Variants in REL observed in about 807,000 individuals in gnomAD.
REL encodes REL proto-oncogene, NF-kB subunit, also known as proto-oncogene c-Rel.
Under a neutral mutation model 45.9 loss-of-function variants are expected in REL, and 15 were observed. The observed-to-expected ratio is 0.33, with a 90% confidence interval of 0.22 to 0.50. The LOEUF is 0.50. REL is among the 20% of genes least tolerant of loss of function. The pLI is 0.98. For missense variants in REL, 601 were observed against 715.2 expected (o/e 0.84, Z 1.82); for synonymous variants, 239 against 242.1 (o/e 0.99, Z 0.12).
chr2:60,912,410 C>A (rs573124354), intron 4 of REL, among the ~76,000 whole-genome samples: 124 of 152,204 alleles, frequency 8.1e-4, no homozygotes, highest in Non-Finnish European at 1.5e-3. Context: ...AAACTTAACT[C>A]TTATTAATAT....
chr2:60,917,369 A>C (rs1264470945), intron 5 of REL, among the ~76,000 whole-genome samples: 1 of 151,994 alleles, frequency 6.6e-6, no homozygotes, highest in Admixed American at 6.6e-5. Flanking sequence ...CCTTTTAATC[A>C]CCTTATTCTT....
chr2:60,892,682 G>A (rs764405869), intron 2 of REL, among the ~76,000 whole-genome samples: 24 of 151,636 alleles, frequency 1.6e-4, no homozygotes, highest in Non-Finnish European at 3.1e-4. Flanking sequence ...CACCCATCTC[G>A]GCCTCCCAAA....
At chr2:60,919,585 C>G (rs1447739686) in intron 7 of REL, among the ~76,000 whole-genome samples, 1 of 151,968 alleles carries the variant, frequency 6.6e-6, no homozygotes, top group Non-Finnish European at 1.5e-5. Flanking sequence ...GCCACCACAC[C>G]CGACTCATTT....
rs1041969698 is a variant in REL, at chr2:60,929,146, G to C, written c.*6611G>C. 3 of 151,244 alleles carry C rather than the reference G, an allele frequency of 2.0e-5. No homozygotes were observed. The highest frequency in any genetic ancestry group is 7.3e-5 in the African/African-American group (3 of 41,092). The allele number at this position is 151,244 out of a possible 1,614,324, so 9.4% of individuals were successfully genotyped here. On this transcript the variant is annotated 3_prime_UTR_variant, in exon 10 of 10. Transcript: ENST00000394479. ...ATACCATCTCACACCAGTTAGAATG[G>C]CAATCATTAAAAAGTCAGGAGACAA...
chr2:60,910,437 C>A (rs1673779538), intron 4 of REL, among the ~76,000 whole-genome samples: 1 of 148,754 alleles, frequency 6.7e-6, no homozygotes. Context: ...TGCACTCCAG[C>A]CTGGGTGACA....
intron 3 of REL, chr2:60,900,784 A>T (rs1222791983): frequency 2.2e-6 from 1 of 461,360 alleles, no homozygotes; most frequent in East Asian, 4.4e-5. Flanking sequence ...TGGCCTCCCA[A>T]AGTGCTGGGA....
At chr2:60,883,485 A>G (rs1193300333) in intron 1 of REL, among the ~76,000 whole-genome samples, 1 of 151,934 alleles carries the variant, frequency 6.6e-6, no homozygotes, top group Non-Finnish European at 1.5e-5. Context: ...TGTAGATTAG[A>G]AGTGCTAAGA....
Position 60,921,881 on chromosome 2 carries a change from C to G in REL, c.1110C>G (p.Ala370=). The part of the protein sequence containing the change: ...GPISSGLSHH[A]SMAPLPSSSW... Reference sequence around the variant, plus strand: ...TCTCAAGTGGATTGTCACATCATGCCTCAATGGCACCTCTGCCTTCTTCAA... The same window carrying G: ...TCTCAAGTGGATTGTCACATCATGCGTCAATGGCACCTCTGCCTTCTTCAA... Residue 370 remains alanine, a synonymous_variant, in exon 10 of 10, where the codon GCC becomes GCG. Transcript: ENST00000394479. The G allele has an allele frequency of 6.2e-7, 1 of 1,614,104 alleles. No homozygotes were observed. The highest frequency in any genetic ancestry group is 8.5e-7 in the Non-Finnish European group (1 of 1,180,032).
At chr2:60,906,676 C>T (rs1373405297) in intron 4 of REL, among the ~76,000 whole-genome samples, 1 of 152,044 alleles carries the variant, frequency 6.6e-6, no homozygotes, top group Non-Finnish European at 1.5e-5. Flanking sequence ...CATGTTCTTT[C>T]TTACCTCTGT....
chr2:60,917,692 G>A (rs1435398488), intron 5 of REL, among the ~76,000 whole-genome samples: 12 of 149,978 alleles, frequency 8.0e-5, no homozygotes, highest in Admixed American at 8.0e-4. Flanking sequence ...GTGTGTGTGT[G>A]TGTGTGTGTG....
At chr2:60,909,835 G>A (rs957590950) in intron 4 of REL, among the ~76,000 whole-genome samples, 3 of 151,982 alleles carry the variant, frequency 2.0e-5, no homozygotes, top group Non-Finnish European at 4.4e-5. Context: ...ACCAGGAGGC[G>A]GGGGTTGCAG....
At position 60,909,111 on chromosome 2, in the gene REL, A is replaced by G. The variant is rs531041109; in HGVS notation, c.395-7766A>G. 2.0e-5 allele frequency among the ~76,000 whole-genome samples: 3 copies of G among 152,286 alleles called. No homozygotes were observed. In the East Asian group the frequency reaches 5.8e-4, roughly 29 times the overall value. ...TATTCCTTGAGCATATTTCCATTAT[A>G]AAGTTTTTCATGTTGTATTATATAA... On this transcript the variant is annotated intron_variant, in intron 4 of 9. Transcript: ENST00000394479.
rs1297573639 is a variant in REL at position 60,925,603 on chromosome 2, A to C, written c.*3068A>C. Reference sequence around the variant, plus strand: ...CATAAGCACATAAATAGAACTTACCAGGGAGAAAGAAAAACCTGAAGGCAC... The same window carrying C: ...CATAAGCACATAAATAGAACTTACCCGGGAGAAAGAAAAACCTGAAGGCAC... On this transcript the variant is annotated 3_prime_UTR_variant, in exon 10 of 10. Coordinates refer to ENST00000394479, the MANE Select transcript of REL (RefSeq NM_001291746.2). 2 of 185,126 alleles carry C rather than the reference A, an allele frequency of 1.1e-5. No homozygotes were observed. Among genetic ancestry groups the C allele is most frequent in the Non-Finnish European group, 2.3e-5 (2 of 87,552 alleles). The allele number at this position is 185,126 out of a possible 1,614,324, so 11.5% of individuals were successfully genotyped here.
At position 60,924,474 on chromosome 2, in the gene REL, C is replaced by T. The variant is rs900373784; in HGVS notation, c.*1939C>T. ...GACGTATATGATTTTTGCAGTTTTA[C>T]TTAGTGTGACATTGGGTTTATGAGA... On this transcript the variant is annotated 3_prime_UTR_variant, in exon 10 of 10. Coordinates refer to ENST00000394479, the MANE Select transcript of REL (RefSeq NM_001291746.2). The T allele has an allele frequency of 1.4e-5, 3 of 214,864 alleles. No homozygotes were observed. In the Admixed American group the frequency reaches 1.8e-4, roughly 13 times the overall value. 13.3% of individuals were successfully genotyped at this position (214,864 alleles called of 1,614,324 possible). A position where few individuals can be genotyped will look rare whatever the true frequency, so the allele number is the denominator to read the frequency against.
chr2:60,905,310 G>A (rs1171302363), intron 4 of REL, among the ~76,000 whole-genome samples: 1 of 152,108 alleles, frequency 6.6e-6, no homozygotes, highest in African/African-American at 2.4e-5. Context: ...TAGCCAGGAT[G>A]GTCTCAATCT....
rs890394786 is a variant in REL at position 60,926,957 on chromosome 2, A to G, written c.*4422A>G. The G allele has an allele frequency of 1.3e-5, 3 of 227,042 alleles. No individual in the cohort carries two copies. The highest frequency in any genetic ancestry group is 4.4e-5 in the African/African-American group (2 of 44,944). The allele number at this position is 227,042 out of a possible 1,614,324, so 14.1% of individuals were successfully genotyped here. On this transcript the variant is annotated 3_prime_UTR_variant, in exon 10 of 10. Transcript: ENST00000394479. ...AGCTAGCATTCCTTGAAAAAAAACA[A>G]TTCTCTCAGGCCTCCATACCTTTAG...
intron 1 of REL, among the ~76,000 whole-genome samples, chr2:60,886,575 TAAG>T (rs1181713514): frequency 3.6e-4 from 55 of 152,244 alleles, no homozygotes; most frequent in Admixed American, 2.3e-3. Flanking sequence ...AGATTAAAGT[TAAG>T]AGGATCAAAT....
rs142232885 is a variant in REL, at chr2:60,927,871, C to T, written c.*5336C>T. Reference sequence around the variant, plus strand: ...AATTTCCTTCATGCCCCTTCCCAGTCTGTACCTACACCTCTAAATCTATTT... The same window carrying T: ...AATTTCCTTCATGCCCCTTCCCAGTTTGTACCTACACCTCTAAATCTATTT... On this transcript the variant is annotated 3_prime_UTR_variant, in exon 10 of 10. Transcript: ENST00000394479. 126 of 226,748 alleles carry T rather than the reference C, an allele frequency of 5.6e-4. No individual in the cohort carries two copies. Among genetic ancestry groups the T allele is most frequent in the African/African-American group, 2.6e-3 (117 of 45,092 alleles). The allele number at this position is 226,748 out of a possible 1,614,324, so 14.0% of individuals were successfully genotyped here. A position where few individuals can be genotyped will look rare whatever the true frequency, so the allele number is the denominator to read the frequency against.
At chr2:60,894,857 T>C (rs1394552719) in intron 3 of REL, among the ~76,000 whole-genome samples, 1 of 148,824 alleles carries the variant, frequency 6.7e-6, no homozygotes, top group African/African-American at 2.5e-5. Flanking sequence ...CTGTCTTTTT[T>C]TTTTTTTTTT....
Sources: gnomAD v4.1 joint callset for allele counts (sites outside exome capture counted in the v4.1 genomes callset) on GRCh38, gnomAD v4.1.1 for gene constraint, MANE v1.5 for transcripts, NCBI Gene and HGNC (gene_info 2026-07-23, HGNC 2026-07-21) for gene names.